RUNX2: variants seen among roughly 807,000 people sequenced by gnomAD.
The protein encoded by RUNX2 is RUNX family transcription factor 2.
Under a neutral mutation model 51.7 loss-of-function variants are expected in RUNX2, and 10 were observed. The ratio of observed to expected loss-of-function variants is 0.19; its 90% CI spans 0.12 to 0.33. RUNX2 has a LOEUF of 0.33. RUNX2 is among the 10% of genes least tolerant of loss of function. The probability of loss-of-function intolerance (pLI) is 1.00; values close to 1 mark genes in which losing one functional copy is unlikely to be tolerated. For synonymous variants in RUNX2, 276 were observed against 273.6 expected (o/e 1.01, Z -0.09); for missense variants, 562 against 691.3 (o/e 0.81, Z 2.10).
intron 7 of RUNX2, among the ~76,000 whole-genome samples, chr6:45,528,022 A>G (rs1801724174): frequency 6.6e-6 from 1 of 152,196 alleles, no homozygotes; most frequent in Non-Finnish European, 1.5e-5. Context: ...GCGAAAGAGG[A>G]GAAAGGCACA....
At chr6:45,437,833 G>A (rs754779684) in intron 4 of RUNX2, 114 bp from the exon 5 acceptor site, 124 of 801,430 alleles carry the variant, frequency 1.5e-4, no homozygotes, top group Admixed American at 2.3e-4. Flanking sequence ...TCTTGTCTTT[G>A]TTTCATTGCC....
chr6:45,530,772 G>A (rs1308521166), intron 7 of RUNX2, among the ~76,000 whole-genome samples: 1 of 152,238 alleles, frequency 6.6e-6, no homozygotes, highest in Non-Finnish European at 1.5e-5. Flanking sequence ...TGGGTCCTCT[G>A]TAACAGCTCT....
chr6:45,452,730 A>G (rs1431901724), intron 5 of RUNX2, among the ~76,000 whole-genome samples: 1 of 152,146 alleles, frequency 6.6e-6, no homozygotes, highest in African/African-American at 2.4e-5. Context: ...AAGTGCATAC[A>G]ATTTTCTCTA....
chr6:45,346,100 A>G (rs1353073166), intron 2 of RUNX2, among the ~76,000 whole-genome samples: 1 of 152,114 alleles, frequency 6.6e-6, no homozygotes, highest in Non-Finnish European at 1.5e-5. Flanking sequence ...AAACTCTCTG[A>G]TCCACCTCCA....
At chr6:45,462,575 T>C (rs2150387630) in intron 5 of RUNX2, among the ~76,000 whole-genome samples, 1 of 152,378 alleles carries the variant, frequency 6.6e-6, no homozygotes, top group African/African-American at 2.4e-5. Context: ...GCTAGGACTC[T>C]GGTTTTAATG....
chr6:45,386,600 G>A (rs1008020871), intron 2 of RUNX2, among the ~76,000 whole-genome samples: 2 of 152,202 alleles, frequency 1.3e-5, no homozygotes, highest in African/African-American at 2.4e-5. Context: ...TGTATGCAAA[G>A]TGCCTTGCAC....
intron 5 of RUNX2, among the ~76,000 whole-genome samples, chr6:45,476,343 A>G (rs1273767189): frequency 6.6e-6 from 1 of 150,714 alleles, no homozygotes; most frequent in African/African-American, 2.4e-5. Flanking sequence ...TTTGGGGAGG[A>G]AGGACCTTGC....
In RUNX2 at chr6:45,550,111, T is replaced by C. The variant is rs1288138916; in HGVS notation, c.*2806T>C. On this transcript the variant is annotated 3_prime_UTR_variant, in exon 9 of 9. Coordinates refer to ENST00000647337, the MANE Select transcript of RUNX2 (RefSeq NM_001024630.4). ...CTACTACTGTGGAACCATGTACTAG[T>C]TCCTGGGAATTAAAATAGCGTGGTT... 6.6e-6 allele frequency: 1 copy of C among 152,578 alleles called. No individual in the cohort carries two copies. The highest frequency in any genetic ancestry group is 2.4e-5 in the African/African-American group (1 of 41,422). The allele number at this position is 152,578 out of a possible 1,614,324, so 9.5% of individuals were successfully genotyped here.
chr6:45,379,051 CTTCT>C lies in RUNX2; in HGVS notation c.59-43541_59-43538del, dbSNP rs150787400. Among the ~76,000 whole-genome samples the C allele has an allele frequency of 2.4e-3, 360 of 152,268 alleles. 2 individuals carry two copies. Among genetic ancestry groups the C allele is most frequent in the African/African-American group, 8.2e-3 (342 of 41,570 alleles). ...ATACTGTGAGTTCTGAAATCCCTTC[CTTCT>C]ATTTGCTTAAATTGTTTAAAATAGC... On this transcript the variant is annotated intron_variant, in intron 2 of 8. Coordinates refer to ENST00000647337, the MANE Select transcript of RUNX2 (RefSeq NM_001024630.4).
At chr6:45,467,464 T>A (rs529697280) in intron 5 of RUNX2, among the ~76,000 whole-genome samples, 2 of 152,090 alleles carry the variant, frequency 1.3e-5, no homozygotes, top group Admixed American at 6.5e-5. Context: ...GTATTTTTAG[T>A]AGAGGTGGGG....
chr6:45,532,327 T>C (rs866588443), intron 7 of RUNX2, among the ~76,000 whole-genome samples: 2 of 152,078 alleles, frequency 1.3e-5, no homozygotes, highest in Admixed American at 6.6e-5. Context: ...TTGTCCAATA[T>C]GTAGCAGGAT....
chr6:45,459,602 A>G (rs1799414972), intron 5 of RUNX2, among the ~76,000 whole-genome samples: 1 of 152,262 alleles, frequency 6.6e-6, no homozygotes, highest in Non-Finnish European at 1.5e-5. Flanking sequence ...GAGCCCTGCC[A>G]TATGACAGAC....
At chr6:45,409,051 A>G (rs987178743) in intron 2 of RUNX2, among the ~76,000 whole-genome samples, 6 of 152,208 alleles carry the variant, frequency 3.9e-5, no homozygotes, top group Non-Finnish European at 8.8e-5. Flanking sequence ...TATGTCTAAC[A>G]TATCTCACAA....
At chr6:45,444,113 G>C (rs1284966156) in intron 5 of RUNX2, among the ~76,000 whole-genome samples, 1 of 152,150 alleles carries the variant, frequency 6.6e-6, no homozygotes, top group Non-Finnish European at 1.5e-5. Context: ...GCCTCCCAAA[G>C]TGCTGGGATT....
At chr6:45,356,982 CTGATA>C (rs1347199512) in intron 2 of RUNX2, among the ~76,000 whole-genome samples, 1 of 152,132 alleles carries the variant, frequency 6.6e-6, no homozygotes, top group Non-Finnish European at 1.5e-5. Context: ...TAACCACTCT[CTGATA>C]TATTTTTAGT....
chr6:45,347,868 G>T (rs968837995), intron 2 of RUNX2, among the ~76,000 whole-genome samples: 4 of 151,828 alleles, frequency 2.6e-5, no homozygotes, highest in African/African-American at 9.7e-5. Flanking sequence ...AATACTACAT[G>T]CCTACTGAAA....
chr6:45,524,878 C>T (rs1416474297), intron 7 of RUNX2, among the ~76,000 whole-genome samples: 5 of 151,990 alleles, frequency 3.3e-5, no homozygotes, highest in Admixed American at 1.3e-4. Context: ...TTTGAGAGGC[C>T]GAGGTGGGTG....
intron 5 of RUNX2, among the ~76,000 whole-genome samples, chr6:45,489,439 G>A (rs1168602788): frequency 1.3e-5 from 2 of 152,104 alleles, no homozygotes; most frequent in East Asian, 3.9e-4. Context: ...ATCTCATACA[G>A]CCTCTAGGAA....
chr6:45,374,531 G>A (rs542142258), intron 2 of RUNX2, among the ~76,000 whole-genome samples: 3 of 152,288 alleles, frequency 2.0e-5, no homozygotes, highest in African/African-American at 2.4e-5. Flanking sequence ...ACCCACTTCA[G>A]TATAAACTTA....
Sources: gnomAD v4.1 joint callset for allele counts (sites outside exome capture counted in the v4.1 genomes callset) on GRCh38, gnomAD v4.1.1 for gene constraint, MANE v1.5 for transcripts, NCBI Gene and HGNC (gene_info 2026-07-23, HGNC 2026-07-21) for gene names.